MOB4: variants seen among roughly 807,000 people sequenced by gnomAD.
MOB4 encodes MOB family member 4, phocein.
MOB4 carries 4 observed loss-of-function variants against 32.2 expected under a neutral mutation model. The observed-to-expected ratio is 0.12, with a 90% CI of 0.06 to 0.28. The LOEUF (loss-of-function observed/expected upper bound fraction) is 0.28, where lower values mean the gene tolerates loss of function less well. Among genes scored for constraint, MOB4 ranks in the 10% least tolerant of loss-of-function variants. MOB4 has a pLI of 1.00. For missense variants in MOB4, 158 were observed against 271.2 expected (o/e 0.58, Z 2.93); for synonymous variants, 88 against 88.1 (o/e 1.00, Z 0.01).
At chr2:197,524,156 G>T (rs1458902793) in intron 2 of MOB4, among the ~76,000 whole-genome samples, 1 of 152,018 alleles carries the variant, frequency 6.6e-6, no homozygotes, top group Non-Finnish European at 1.5e-5. Context: ...GAGATCACTT[G>T]ATCCTACTTC....
chr2:197,524,321 A>G (rs2086570733), intron 2 of MOB4, among the ~76,000 whole-genome samples: 1 of 152,152 alleles, frequency 6.6e-6, no homozygotes, highest in Admixed American at 6.5e-5. Flanking sequence ...TCACTAGGTC[A>G]GGATATCAAG....
Position 197,523,703 on chromosome 2 carries a change from C to G in MOB4, c.123+17C>G. ...GTTCAACAGGTAATAAAAATAGTTT[C>G]TTTTCACCCTGTGTCTTTTGGAGTA... On this transcript the variant is annotated intron_variant, in intron 2 of 7. Transcript: ENST00000323303. The G allele has an allele frequency of 6.3e-7, 1 of 1,595,846 alleles. No homozygotes were observed. Among genetic ancestry groups the G allele is most frequent in the Non-Finnish European group, 8.5e-7 (1 of 1,174,146 alleles).
chr2:197,515,996 C>T, upstream of MOB4: 1 of 1,362,026 alleles, frequency 7.3e-7, no homozygotes, highest in South Asian at 1.3e-5. Flanking sequence ...GCTCCTCCTC[C>T]CAGACGCAGA....
chr2:197,536,872 A>G, intron 3 of MOB4, among the ~76,000 whole-genome samples: 1 of 151,568 alleles, frequency 6.6e-6, no homozygotes, highest in South Asian at 2.1e-4. Context: ...CTGGGATTAC[A>G]GGTGTGAGCC....
chr2:197,546,380 A>C (rs1013265472), intron 5 of MOB4, among the ~76,000 whole-genome samples: 1 of 150,980 alleles, frequency 6.6e-6, no homozygotes, highest in Non-Finnish European at 1.5e-5. Context: ...CCCCTTTTTA[A>C]TGTATCTCTT....
chr2:197,547,877 A>G (rs1169049936), intron 5 of MOB4, among the ~76,000 whole-genome samples: 1 of 152,200 alleles, frequency 6.6e-6, no homozygotes, highest in Non-Finnish European at 1.5e-5. Context: ...ATGGAACAGA[A>G]TAAGTCAGAT....
intron 2 of MOB4, among the ~76,000 whole-genome samples, 170 bp from the exon 3 acceptor site, chr2:197,535,360 C>G (rs1347132898): frequency 1.3e-5 from 2 of 151,842 alleles, no homozygotes; most frequent in Non-Finnish European, 2.9e-5. Flanking sequence ...GTAAGGGTAA[C>G]CTACTTTTTT....
At chr2:197,525,745 T>A (rs979571420) in intron 2 of MOB4, among the ~76,000 whole-genome samples, 6 of 150,866 alleles carry the variant, frequency 4.0e-5, no homozygotes, top group African/African-American at 1.5e-4. Flanking sequence ...TGCTGTTCAA[T>A]CAGCAAATAT....
chr2:197,548,315 T>C (rs758591936), intron 5 of MOB4, 21 bp from the exon 6 acceptor site: 1 of 1,593,474 alleles, frequency 6.3e-7, no homozygotes, highest in Non-Finnish European at 8.6e-7. Context: ...TTGATGCATT[T>C]CTATATTCTT....
intron 3 of MOB4, among the ~76,000 whole-genome samples, chr2:197,536,026 G>C (rs2086792518): frequency 6.6e-6 from 1 of 151,222 alleles, no homozygotes; most frequent in Non-Finnish European, 1.5e-5. Context: ...AGCTTCCAGA[G>C]TAGCTGGGAC....
At chr2:197,520,861 C>A (rs1334780340) in intron 1 of MOB4, among the ~76,000 whole-genome samples, 1 of 136,530 alleles carries the variant, frequency 7.3e-6, no homozygotes, top group East Asian at 2.1e-4. Flanking sequence ...AGTTTGAGAC[C>A]AACCTGGCCA....
rs1268591687 is a variant in MOB4 at position 197,552,483 on chromosome 2, G to C, written c.*1837G>C. On this transcript the variant is annotated 3_prime_UTR_variant, in exon 8 of 8. Coordinates refer to ENST00000323303, the MANE Select transcript of MOB4 (RefSeq NM_015387.5). The stretch of plus-strand genomic sequence containing the variant: ...GTGACTGAGATTTGGTGATCTGGCT[G>C]AGTATTTTGAAACACATTTTGAATA... 6.6e-6 allele frequency: 1 copy of C among 152,306 alleles called. No individual in the cohort carries two copies. Among genetic ancestry groups the C allele is most frequent in the Non-Finnish European group, 1.5e-5 (1 of 68,024 alleles). 9.4% of individuals were successfully genotyped at this position (152,306 alleles called of 1,614,324 possible).
intron 2 of MOB4, among the ~76,000 whole-genome samples, chr2:197,533,177 A>G (rs1251304417): frequency 6.6e-6 from 1 of 152,196 alleles, no homozygotes; most frequent in African/African-American, 2.4e-5. Context: ...GATTGCTAAT[A>G]TATACAAATT....
intron 2 of MOB4, among the ~76,000 whole-genome samples, chr2:197,533,148 A>G (rs1199916307): frequency 6.6e-6 from 1 of 152,218 alleles, no homozygotes; most frequent in Non-Finnish European, 1.5e-5. Flanking sequence ...GGAACAGGAA[A>G]GACAAAAATG....
intron 1 of MOB4, among the ~76,000 whole-genome samples, chr2:197,518,992 T>A (rs1180318086): frequency 6.6e-6 from 1 of 152,010 alleles, no homozygotes; most frequent in Non-Finnish European, 1.5e-5. Context: ...TCTCCTGATC[T>A]CGTGATCCGC....
intron 2 of MOB4, among the ~76,000 whole-genome samples, chr2:197,529,651 C>T (rs768019475): frequency 6.4e-4 from 98 of 152,094 alleles, no homozygotes; most frequent in Non-Finnish European, 1.1e-3. Flanking sequence ...TGTGCCCGGC[C>T]TTATTTTTAT....
intron 1 of MOB4, chr2:197,516,838 G>T (rs1261519235): frequency 2.3e-6 from 1 of 425,614 alleles, no homozygotes; most frequent in Admixed American, 2.6e-5. Context: ...AGGGCATTAT[G>T]TGTGGTAAAT....
At position 197,535,447 on chromosome 2, in the gene MOB4, T is replaced by C; in HGVS notation, c.124-83T>C. 4 of 1,293,998 alleles carry C rather than the reference T, an allele frequency of 3.1e-6. No individual in the cohort carries two copies. In the South Asian group the frequency reaches 4.8e-5, roughly 15 times the overall value. 80.2% of individuals were successfully genotyped at this position (1,293,998 alleles called of 1,614,324 possible). A position where few individuals can be genotyped will look rare whatever the true frequency, so the allele number is the denominator to read the frequency against. On this transcript the variant is annotated intron_variant, in intron 2 of 7. Transcript: ENST00000323303. The stretch of plus-strand genomic sequence containing the variant: ...CCAAGTTGAACCACAAGAGCAGTTA[T>C]GTATTAACAAATTATATGTACTTAA...
intron 1 of MOB4, among the ~76,000 whole-genome samples, 184 bp from the exon 2 acceptor site, chr2:197,523,440 T>C (rs1483902958): frequency 6.6e-6 from 1 of 152,236 alleles, no homozygotes; most frequent in Non-Finnish European, 1.5e-5. Flanking sequence ...AAGCATGGGC[T>C]GCAGAGTGAG....
Sources: allele counts gnomAD v4.1 joint callset (sites outside exome capture counted in the v4.1 genomes callset), GRCh38; gene constraint gnomAD v4.1.1; transcripts MANE v1.5; gene names NCBI Gene and HGNC (gene_info 2026-07-23, HGNC 2026-07-21).